Variants in KLF7 observed in about 807,000 individuals in gnomAD.
KLF7 encodes the protein KLF transcription factor 7.
In KLF7, 2 loss-of-function variants were observed where a neutral mutation model predicts 27.3. The ratio of observed to expected loss-of-function variants is 0.07; its 90% confidence interval spans 0.03 to 0.23. The LOEUF (loss-of-function observed/expected upper bound fraction) is 0.23. Ranked by LOEUF, KLF7 falls within the 10% of genes least tolerant of loss-of-function variation. KLF7 has a pLI of 1.00. For missense variants in KLF7, 221 were observed against 394.1 expected (o/e 0.56, Z 3.72); for synonymous variants, 165 against 162.4 (o/e 1.02, Z -0.12).
At chr2:207,143,013 C>G (rs1010358093) in intron 1 of KLF7, among the ~76,000 whole-genome samples, 1 of 152,174 alleles carries the variant, frequency 6.6e-6, no homozygotes, top group Non-Finnish European at 1.5e-5. Context: ...TAATGTTGCC[C>G]AGTGATATTC....
At chr2:207,117,956 G>T (rs556327275) in intron 2 of KLF7, among the ~76,000 whole-genome samples, 10 of 152,100 alleles carry the variant, frequency 6.6e-5, no homozygotes, top group Non-Finnish European at 1.5e-4. Flanking sequence ...TCACTCCATG[G>T]TACAGTGCCT....
At chr2:207,166,661 G>C (rs889969769), upstream of KLF7, 3 of 341,094 alleles carry the variant, frequency 8.8e-6, no homozygotes, top group Non-Finnish European at 1.2e-5. Flanking sequence ...GCCGCCGAGG[G>C]CGCGGAGCGG....
intron 1 of KLF7, among the ~76,000 whole-genome samples, chr2:207,145,263 A>G (rs1049858202): frequency 1.3e-5 from 2 of 152,242 alleles, no homozygotes; most frequent in African/African-American, 4.8e-5. Flanking sequence ...GAAAGACCCA[A>G]TAACTTTTCC....
chr2:207,085,527 G>A (rs1046186399), intron 3 of KLF7, among the ~76,000 whole-genome samples: 1 of 152,310 alleles, frequency 6.6e-6, no homozygotes, highest in East Asian at 1.9e-4. Context: ...GCACTGTCCA[G>A]TCAGATGGTG....
chr2:207,123,945 C>T lies in KLF7; in HGVS notation c.562G>A (p.Val188Met), dbSNP rs756697453. Residue 188 changes from valine to methionine, a missense_variant, in exon 2 of 4, where the codon GTG (valine) becomes ATG (methionine). Val to Met is a conservative substitution (Grantham distance 21). Around this residue, in one of 3 missense-constraint regions of KLF7, gnomAD observed 180 missense variants for 227.9 expected, o/e 0.79. Coordinates refer to ENST00000309446, the MANE Select transcript of KLF7 (RefSeq NM_003709.4). ...CTCTTAACGGCCCCCGCAGCCGTCA[C>T]GGCTGCTGCAGCTGTTGCGACCCCT... ...VGGVATAAAA[V>M]TAAGAVKSGQ... The T allele has an allele frequency of 8.7e-6, 14 of 1,614,202 alleles. No individual in the cohort carries two copies. The highest frequency in any genetic ancestry group is 4.0e-5 in the African/African-American group (3 of 75,048).
chr2:207,099,522 GA>G (rs2076707114), intron 2 of KLF7, among the ~76,000 whole-genome samples: 1 of 106,384 alleles, frequency 9.4e-6, no homozygotes, highest in Non-Finnish European at 1.9e-5. Context: ...TTATTATTTG[GA>G]TAAAAGTTAA....
intron 1 of KLF7, among the ~76,000 whole-genome samples, chr2:207,141,917 C>G (rs1263672900): frequency 1.3e-5 from 2 of 152,046 alleles, no homozygotes; most frequent in African/African-American, 4.8e-5. Flanking sequence ...AGAGACCCAG[C>G]TGAAGGAAAT....
intron 1 of KLF7, among the ~76,000 whole-genome samples, chr2:207,138,475 CA>C (rs888489945): frequency 2.0e-5 from 3 of 151,910 alleles, no homozygotes; most frequent in African/African-American, 7.3e-5. Flanking sequence ...TCATCTCAGC[CA>C]AAAAAATATT....
At chr2:207,161,502 A>G (rs2078544938) in intron 1 of KLF7, among the ~76,000 whole-genome samples, 1 of 152,234 alleles carries the variant, frequency 6.6e-6, no homozygotes, top group Admixed American at 6.5e-5. Flanking sequence ...ACGGATGGAC[A>G]GACCCTACAG....
At position 207,092,111 on chromosome 2, in the gene KLF7, TCTC is replaced by T. The variant is rs532845299; in HGVS notation, c.734-3533_734-3531del. On this transcript the variant is annotated intron_variant, in intron 2 of 3. Transcript: ENST00000309446. ...CTCTCCTTCCTCCACTCCAGATACT[TCTC>T]CTGGGTATAAAACAGAAACTGTCAT... Among the ~76,000 whole-genome samples, 80 of 152,270 alleles carry T rather than the reference TCTC, an allele frequency of 5.3e-4. 1 individual carries two copies. The highest frequency in any genetic ancestry group is 1.9e-3 in the African/African-American group (78 of 41,550).
chr2:207,110,497 G>T (rs148330382), intron 2 of KLF7, among the ~76,000 whole-genome samples: 2 of 152,190 alleles, frequency 1.3e-5, no homozygotes, highest in Non-Finnish European at 1.5e-5. Flanking sequence ...TGCGTGGTCA[G>T]CTAGGCCCAT....
rs1236822335 is a variant in KLF7, at chr2:207,077,399, A to G, written c.*3814T>C. 6.6e-6 allele frequency: 1 copy of G among 152,178 alleles called. No individual in the cohort carries two copies. The highest frequency in any genetic ancestry group is 6.5e-5 in the Admixed American group (1 of 15,276). 9.4% of individuals were successfully genotyped at this position (152,178 alleles called of 1,614,324 possible). ...TTTAAAACTAGGATTCAGTTCTGCT[A>G]ATCAGGCATGAGGTTGGCTGTCCTT... On this transcript the variant is annotated 3_prime_UTR_variant, in exon 4 of 4. Coordinates refer to ENST00000309446, the MANE Select transcript of KLF7 (RefSeq NM_003709.4).
chr2:207,139,435 T>C (rs1486276745), intron 1 of KLF7, among the ~76,000 whole-genome samples: 1 of 151,948 alleles, frequency 6.6e-6, no homozygotes, highest in Non-Finnish European at 1.5e-5. Context: ...TCTGTAACCA[T>C]ACTACCAAAA....
At chr2:207,131,484 C>T (rs926624975) in intron 1 of KLF7, among the ~76,000 whole-genome samples, 4 of 152,188 alleles carry the variant, frequency 2.6e-5, no homozygotes, top group Non-Finnish European at 5.9e-5. Flanking sequence ...CAGAGTGACA[C>T]AAAACAAGCT....
intron 1 of KLF7, among the ~76,000 whole-genome samples, chr2:207,133,079 A>G (rs2077681850): frequency 2.0e-5 from 3 of 152,290 alleles, no homozygotes; most frequent in South Asian, 4.1e-4. Flanking sequence ...CTGAATAGTC[A>G]AGAGACAACA....
At position 207,079,182 on chromosome 2, in the gene KLF7, A is replaced by G. The variant is rs779034080; in HGVS notation, c.*2031T>C. 2.0e-5 allele frequency: 3 copies of G among 152,086 alleles called. No individual in the cohort carries two copies. The highest frequency in any genetic ancestry group is 4.4e-5 in the Non-Finnish European group (3 of 68,020). The allele number at this position is 152,086 out of a possible 1,614,324, so 9.4% of individuals were successfully genotyped here. The stretch of plus-strand genomic sequence containing the variant: ...CCCCAAGTGTCCAATTGGCAGCTAT[A>G]GCATTTGTGAGGAGGTTCCTTTGCC... On this transcript the variant is annotated 3_prime_UTR_variant, in exon 4 of 4. Transcript: ENST00000309446.
intron 1 of KLF7, among the ~76,000 whole-genome samples, chr2:207,157,236 A>G (rs1437419432): frequency 1.3e-5 from 2 of 151,598 alleles, no homozygotes; most frequent in Admixed American, 6.6e-5. Context: ...AAAAAAAAAA[A>G]AAAAAGAAAA....
intron 1 of KLF7, among the ~76,000 whole-genome samples, chr2:207,147,096 A>G (rs2078116882): frequency 6.6e-6 from 1 of 152,164 alleles, no homozygotes; most frequent in Non-Finnish European, 1.5e-5. Context: ...CTATCTTCTC[A>G]AATAGGTTAA....
chr2:207,090,972 G>A (rs1447266241), intron 2 of KLF7, among the ~76,000 whole-genome samples: 1 of 152,126 alleles, frequency 6.6e-6, no homozygotes, highest in Non-Finnish European at 1.5e-5. Context: ...AGTTAAAACT[G>A]GAGGTTCCTG....
Sources: allele counts gnomAD v4.1 joint callset (sites outside exome capture counted in the v4.1 genomes callset), GRCh38; gene constraint gnomAD v4.1.1; regional missense constraint gnomAD v4.1.1; transcripts MANE v1.5; gene names NCBI Gene and HGNC (gene_info 2026-07-23, HGNC 2026-07-21).